The following GNA14 variants were observed in gnomAD, a reference collection of about 807,000 sequenced individuals.
GNA14 encodes the protein G protein subunit alpha 14, also known as guanine nucleotide-binding protein subunit alpha-14.
A neutral mutation model predicts 42.0 loss-of-function variants in GNA14; 50 were observed. That is an observed-to-expected ratio of 1.19 (90% CI 0.95 to 1.51). GNA14 has a LOEUF of 1.51. GNA14 is among the 40% of genes most tolerant of loss of function. The probability of loss-of-function intolerance (pLI) is 0.00; values close to 1 mark genes in which losing one functional copy is unlikely to be tolerated. For synonymous variants in GNA14, 173 were observed against 163.1 expected (o/e 1.06, Z -0.46); for missense variants, 473 against 446.2 (o/e 1.06, Z -0.54).
chr9:77,618,868 C>T (rs911702515), intron 1 of GNA14, among the ~76,000 whole-genome samples: 1 of 150,598 alleles, frequency 6.6e-6, no homozygotes, highest in Non-Finnish European at 1.5e-5. Flanking sequence ...CTCCTGACCT[C>T]GTGATCCGCC....
chr9:77,590,006 T>G (rs1016278522), intron 1 of GNA14, among the ~76,000 whole-genome samples: 12 of 152,104 alleles, frequency 7.9e-5, no homozygotes, highest in Non-Finnish European at 1.3e-4. Flanking sequence ...AACCTCGGCC[T>G]CCCAGGTTCA....
At chr9:77,556,377 G>A (rs1039702618) in intron 1 of GNA14, among the ~76,000 whole-genome samples, 2 of 152,148 alleles carry the variant, frequency 1.3e-5, no homozygotes, top group South Asian at 2.1e-4. Context: ...GAGATCATGA[G>A]GGAAAAAGAG....
chr9:77,448,416 T>G (rs992608779), intron 2 of GNA14, among the ~76,000 whole-genome samples: 6 of 152,258 alleles, frequency 3.9e-5, no homozygotes, highest in Admixed American at 3.9e-4. Context: ...AATTCTTTAT[T>G]ATAAAACAGG....
rs1194964550 is a variant in GNA14, at chr9:77,480,501, T to C, written c.310-45979A>G. Among the ~76,000 whole-genome samples, 7 of 152,262 alleles carry C rather than the reference T, an allele frequency of 4.6e-5. No individual in the cohort carries two copies. In the East Asian group the frequency reaches 1.2e-3, roughly 25 times the overall value. ...CATCAATGTTCATCAAGGATATTCATCTAAAATTCTTTTTGGTTGTGTCTC... is the reference window on the plus strand; with the variant it reads ...CATCAATGTTCATCAAGGATATTCACCTAAAATTCTTTTTGGTTGTGTCTC... On this transcript the variant is annotated intron_variant, in intron 2 of 6. Coordinates refer to ENST00000341700, the MANE Select transcript of GNA14 (RefSeq NM_004297.4).
intron 1 of GNA14, among the ~76,000 whole-genome samples, chr9:77,594,617 G>T (rs1823435763): frequency 1.3e-5 from 2 of 152,188 alleles, no homozygotes; most frequent in African/African-American, 4.8e-5. Context: ...CATTGTGAAA[G>T]GGGCCCCACG....
chr9:77,446,223 TCA>T (rs1835816063), intron 2 of GNA14, among the ~76,000 whole-genome samples: 1 of 152,190 alleles, frequency 6.6e-6, no homozygotes. Context: ...GTGAGAAATC[TCA>T]TTCTCTTTCT....
At chr9:77,504,735 T>G in intron 2 of GNA14, among the ~76,000 whole-genome samples, 1 of 145,454 alleles carries the variant, frequency 6.9e-6, no homozygotes, top group Non-Finnish European at 1.5e-5. Flanking sequence ...TGGCATGATC[T>G]CAGTTCACTG....
intron 2 of GNA14, among the ~76,000 whole-genome samples, chr9:77,519,405 T>C (rs1200279143): frequency 6.6e-6 from 1 of 151,976 alleles, no homozygotes; most frequent in Admixed American, 6.6e-5. Flanking sequence ...GGCGAGACTC[T>C]GCCTCAAAAG....
rs1000118567 is a variant in GNA14, at chr9:77,637,135, A to G, written c.124+10535T>C. 3.9e-5 allele frequency among the ~76,000 whole-genome samples: 6 copies of G among 152,228 alleles called. No homozygotes were observed. The South Asian group carries it at 1.2e-3, about 32-fold the overall frequency. On this transcript the variant is annotated intron_variant, in intron 1 of 6. Transcript: ENST00000341700. ...TACTGGTGATGTTTACAGCTCCTGG[A>G]GTACTAACTTCTTGAAGAAAAAAAT...
intron 2 of GNA14, among the ~76,000 whole-genome samples, chr9:77,490,570 C>T (rs570407103): frequency 2.6e-5 from 4 of 152,350 alleles, no homozygotes; most frequent in Middle Eastern, 6.8e-3. Context: ...GAACACAGCG[C>T]GGGTGGGCTG....
intron 1 of GNA14, among the ~76,000 whole-genome samples, chr9:77,646,443 C>CA (rs995398950): frequency 6.6e-6 from 1 of 152,088 alleles, no homozygotes; most frequent in Non-Finnish European, 1.5e-5. Flanking sequence ...CACACCCCCC[C>CA]CCAACCCCCA....
intron 2 of GNA14, among the ~76,000 whole-genome samples, chr9:77,444,661 C>T (rs67113119): frequency 0.11 from 17,022 of 152,252 alleles, 1,030 homozygotes; most frequent in Middle Eastern, 0.17. Context: ...GTGTCTTCTT[C>T]ACAGCTCCAG....
intron 1 of GNA14, among the ~76,000 whole-genome samples, chr9:77,644,599 C>A (rs1485092327): frequency 6.6e-6 from 1 of 152,192 alleles, no homozygotes; most frequent in Non-Finnish European, 1.5e-5. Flanking sequence ...GGACTTCCAG[C>A]TCCATAACTG....
chr9:77,490,342 G>A (rs1428280331), intron 2 of GNA14, among the ~76,000 whole-genome samples: 3 of 152,370 alleles, frequency 2.0e-5, no homozygotes, highest in Middle Eastern at 3.4e-3. Context: ...CCACACTGGG[G>A]TTGCAGGTGG....
chr9:77,594,081 G>A (rs1195369245), intron 1 of GNA14, among the ~76,000 whole-genome samples: 2 of 152,228 alleles, frequency 1.3e-5, no homozygotes, highest in Non-Finnish European at 2.9e-5. Flanking sequence ...TAGGGGAGGT[G>A]ATATGGCTGG....
Position 77,647,756 on chromosome 9 carries a change from T to A in GNA14, c.38A>T (p.Glu13Val), listed in dbSNP as rs749092434. Residue 13 changes from glutamate to valine, a missense_variant, in exon 1 of 7, where the codon GAG (glutamate) becomes GTG (valine). Coordinates refer to ENST00000341700, the MANE Select transcript of GNA14 (RefSeq NM_004297.4). ...GATCTCCGCGCTGATGCGCTGCGAC[T>A]CCTTCTCCTCCGCGGACAGGCAGCA... ...GCCCLSAEEK[E>V]SQRISAEIER... The A allele has an allele frequency of 6.2e-7, 1 of 1,610,264 alleles. No individual in the cohort carries two copies. Among genetic ancestry groups the A allele is most frequent in the Non-Finnish European group, 8.5e-7 (1 of 1,178,794 alleles).
intron 2 of GNA14, among the ~76,000 whole-genome samples, chr9:77,498,671 C>T (rs1836916136): frequency 1.3e-5 from 2 of 152,150 alleles, no homozygotes; most frequent in Admixed American, 6.5e-5. Context: ...CTTGAGAGAA[C>T]GCCATCCAAT....
intron 2 of GNA14, among the ~76,000 whole-genome samples, chr9:77,469,364 TTAA>T (rs1442894291): frequency 4.9e-4 from 43 of 87,714 alleles, no homozygotes; most frequent in African/African-American, 2.7e-3. Flanking sequence ...ATAAACTGTG[TTAA>T]AAAAAAAAAA....
intron 1 of GNA14, among the ~76,000 whole-genome samples, chr9:77,569,849 C>A (rs986611051): frequency 6.6e-6 from 1 of 151,980 alleles, no homozygotes; most frequent in African/African-American, 2.4e-5. Context: ...TCACTGCAAC[C>A]TCTGCCTTCC....
Sources: gnomAD v4.1 joint callset for allele counts (sites outside exome capture counted in the v4.1 genomes callset) on GRCh38, gnomAD v4.1.1 for gene constraint, MANE v1.5 for transcripts, NCBI Gene and HGNC (gene_info 2026-07-23, HGNC 2026-07-21) for gene names.